TTC1: variants seen among roughly 807,000 people sequenced by gnomAD.
TTC1 encodes tetratricopeptide repeat protein 1.
A neutral mutation model predicts 37.6 loss-of-function variants in TTC1; 31 were observed. The observed-to-expected ratio is 0.82, with a 90% confidence interval of 0.62 to 1.11. The LOEUF (loss-of-function observed/expected upper bound fraction) is 1.11. Ranked by LOEUF, TTC1 falls within the 50% of genes most tolerant of loss-of-function variation. The pLI, the probability that TTC1 is intolerant of heterozygous loss-of-function variation, is 0.00. For synonymous variants in TTC1, 127 were observed against 122.4 expected, an observed-to-expected ratio of 1.04 and a Z score of -0.25; for missense variants, 351 against 339.0, an observed-to-expected ratio of 1.04 and a Z score of -0.28.
At chr5:160,055,409 C>A (rs1757517520) in intron 7 of TTC1, among the ~76,000 whole-genome samples, 1 of 152,168 alleles carries the variant, frequency 6.6e-6, no homozygotes, top group South Asian at 2.1e-4. Context: ...CAGCTTTAGC[C>A]CTCTAATCAC....
Position 160,057,350 on chromosome 5 carries a change from A to G in TTC1, c.745+6167A>G, listed in dbSNP as rs1237474082. On this transcript the variant is annotated intron_variant, in intron 7 of 7. Transcript: ENST00000231238. The surrounding 1 kb of genome is among the most constrained non-coding windows in gnomAD (Gnocchi z 4.4). ...GAATTTTTTGTTTCCCAGTGCATAC[A>G]GAAGTTATGTTTATATAATACTGTA... is the stretch of plus-strand genomic sequence containing the variant. Among the ~76,000 whole-genome samples the G allele has an allele frequency of 6.6e-6, 1 of 152,164 alleles. No homozygotes were observed. The highest frequency in any genetic ancestry group is 1.5e-5 in the Non-Finnish European group (1 of 68,014).
At chr5:160,062,759 G>A (rs1753459750) in intron 7 of TTC1, among the ~76,000 whole-genome samples, 1 of 151,978 alleles carries the variant, frequency 6.6e-6, no homozygotes, top group Admixed American at 6.6e-5. Context: ...CATATCACAA[G>A]AGCCAAGGAT....
chr5:160,048,620 G>A (rs1051650166), intron 5 of TTC1, among the ~76,000 whole-genome samples: 3 of 152,252 alleles, frequency 2.0e-5, no homozygotes, highest in Non-Finnish European at 2.9e-5. Context: ...GTAGTTTGAG[G>A]GTTGAAGGAA....
chr5:160,025,485 C>G (rs183501771), intron 2 of TTC1, among the ~76,000 whole-genome samples: 2 of 152,162 alleles, frequency 1.3e-5, no homozygotes, highest in Non-Finnish European at 2.9e-5. Context: ...ACATAGGTCT[C>G]GAAATGACTA....
intron 7 of TTC1, among the ~76,000 whole-genome samples, chr5:160,060,964 G>A (rs566416467): frequency 1.7e-4 from 26 of 152,336 alleles, no homozygotes; most frequent in African/African-American, 6.0e-4. Flanking sequence ...CTTTCTGTCA[G>A]AACCACCCCC....
intron 2 of TTC1, chr5:160,024,113 G>T: frequency 1.4e-6 from 1 of 737,034 alleles, no homozygotes; most frequent in Non-Finnish European, 2.4e-6. Context: ...TCTGTGCTGT[G>T]TACATAGCAC....
intron 2 of TTC1, 36 bp downstream of exon 2, chr5:160,010,894 T>A: frequency 6.4e-7 from 1 of 1,568,766 alleles, no homozygotes; most frequent in Non-Finnish European, 8.7e-7. Context: ...ATCTGCCACT[T>A]ACACTGCATT....
At chr5:160,038,929 G>C (rs1342463994) in intron 4 of TTC1, 1 of 152,194 alleles carries the variant, frequency 6.6e-6, no homozygotes, top group Non-Finnish European at 1.5e-5. Flanking sequence ...CCAAAGTGCT[G>C]GGATTACAGG....
At chr5:160,041,006 T>C (rs1757081872) in intron 4 of TTC1, among the ~76,000 whole-genome samples, 1 of 151,938 alleles carries the variant, frequency 6.6e-6, no homozygotes, top group East Asian at 1.9e-4. Flanking sequence ...ATACACACAG[T>C]AGCCTAGGCC....
At chr5:160,018,383 C>T (rs1193609413) in intron 2 of TTC1, among the ~76,000 whole-genome samples, 1 of 152,202 alleles carries the variant, frequency 6.6e-6, no homozygotes, top group Non-Finnish European at 1.5e-5. Context: ...AGGAAAGCCT[C>T]TCTGGAGAGG....
chr5:160,024,681 A>T (rs377283911), intron 2 of TTC1, among the ~76,000 whole-genome samples: 3 of 142,590 alleles, frequency 2.1e-5, no homozygotes, highest in African/African-American at 7.8e-5. Flanking sequence ...TTTTTTTTTC[A>T]GGATATGGGG....
chr5:160,035,349 G>A (rs1255812486), intron 3 of TTC1, 149 bp downstream of exon 3: 1 of 529,828 alleles, frequency 1.9e-6, no homozygotes, highest in African/African-American at 2.0e-5. Context: ...GGCATTTTGA[G>A]TTTTTAACCA....
intron 2 of TTC1, chr5:160,024,039 T>C (rs1756759746): frequency 7.7e-7 from 1 of 1,296,008 alleles, no homozygotes; most frequent in African/African-American, 1.5e-5. Flanking sequence ...TTGCAGGTAG[T>C]GTTCAATCAA....
At chr5:160,051,489 C>T (rs1581118502) in intron 7 of TTC1, among the ~76,000 whole-genome samples, 1 of 152,192 alleles carries the variant, frequency 6.6e-6, no homozygotes, top group Non-Finnish European at 1.5e-5. Context: ...CCACCAACCT[C>T]GATTTCAGAT....
intron 7 of TTC1, among the ~76,000 whole-genome samples, chr5:160,052,835 T>C (rs982513616): frequency 7.2e-5 from 11 of 152,238 alleles, no homozygotes; most frequent in Admixed American, 2.6e-4. Context: ...TTCTCTTCAT[T>C]TGAAAAAATT....
chr5:160,035,208 G>C lies in TTC1; in HGVS notation c.391+8G>C. The C allele has an allele frequency of 6.3e-7, 1 of 1,599,602 alleles. No homozygotes were observed. The highest frequency in any genetic ancestry group is 1.1e-5 in the South Asian group (1 of 87,986). On this transcript the variant is annotated splice_region_variant and intron_variant, in intron 3 of 7. Coordinates refer to ENST00000231238, the MANE Select transcript of TTC1 (RefSeq NM_003314.3). ...AACAGTTTAAGAAAGGAGGTAAGAC[G>C]ACTTTCAGCACTGATAATCTGGTCA...
intron 1 of TTC1, among the ~76,000 whole-genome samples, chr5:160,009,911 G>T (rs1216557314): frequency 6.6e-6 from 1 of 152,180 alleles, no homozygotes; most frequent in Non-Finnish European, 1.5e-5. Flanking sequence ...TGGGCTTCCT[G>T]TGGTGGTGCT....
chr5:160,038,659 CTTTTTTTTT>C (rs541012506), intron 4 of TTC1, among the ~76,000 whole-genome samples: 3 of 120,188 alleles, frequency 2.5e-5, no homozygotes, highest in African/African-American at 9.1e-5. Flanking sequence ...AGTTGCGTTT[CTTTTTTTTT>C]TTTTTTTTTT....
At chr5:160,045,520 A>ACACACACACACTCT (rs1202139318) in intron 5 of TTC1, among the ~76,000 whole-genome samples, 13 of 54,882 alleles carry the variant, frequency 2.4e-4, no homozygotes, top group Non-Finnish European at 3.3e-4. Context: ...ACACATACAC[A>ACACACACACACTCT]CTCTCTCTCT....
Sources: allele counts gnomAD v4.1 joint callset (sites outside exome capture counted in the v4.1 genomes callset), GRCh38; gene constraint gnomAD v4.1.1; non-coding constraint Gnocchi (gnomAD v3.1); transcripts MANE v1.5; gene names NCBI Gene and HGNC (gene_info 2026-07-23, HGNC 2026-07-21).